The following ORC3 variants were observed in gnomAD, a reference collection of about 807,000 sequenced individuals.
The protein encoded by ORC3 is origin recognition complex subunit 3.
Under a neutral mutation model 100.7 loss-of-function variants are expected in ORC3, and 78 were observed. The ratio of observed to expected loss-of-function variants is 0.77; its 90% CI spans 0.65 to 0.94. The LOEUF (loss-of-function observed/expected upper bound fraction) is 0.94, where lower values mean the gene tolerates loss of function less well. Ranked by LOEUF, ORC3 falls within the 40% of genes least tolerant of loss-of-function variation. ORC3 has a pLI of 0.00. For missense variants in ORC3, 789 were observed against 823.9 expected, an observed-to-expected ratio of 0.96 and a Z score of 0.52; for synonymous variants, 295 against 289.3, an observed-to-expected ratio of 1.02 and a Z score of -0.20.
Position 87,590,168 on chromosome 6 carries a change from C to G in ORC3, c.-1C>G. 1 of 1,614,140 alleles carries G rather than the reference C, an allele frequency of 6.2e-7. No homozygotes were observed. On this transcript the variant is annotated 5_prime_UTR_variant, in exon 1 of 20. Transcript: ENST00000392844. ...CTGGAATACGCAGAGTCAGTAAGAC[C>G]ATGGCTACGTCCTCGATGTCTAAGG...
intron 14 of ORC3, among the ~76,000 whole-genome samples, chr6:87,656,581 C>A (rs1480636375): frequency 2.0e-5 from 3 of 151,360 alleles, no homozygotes; most frequent in Admixed American, 6.6e-5. Flanking sequence ...AGCAAGACTC[C>A]ATCTGAAAAA....
At chr6:87,603,189 A>C (rs1458598127) in intron 3 of ORC3, among the ~76,000 whole-genome samples, 195 bp from the exon 4 acceptor site, 1 of 151,620 alleles carries the variant, frequency 6.6e-6, no homozygotes, top group Non-Finnish European at 1.5e-5. Context: ...TATGCCGACC[A>C]GGCTTGAGAG....
chr6:87,626,723 G>T (rs1779923633), intron 11 of ORC3, among the ~76,000 whole-genome samples: 1 of 151,290 alleles, frequency 6.6e-6, no homozygotes, highest in South Asian at 2.1e-4. Context: ...GGAGGCAGAG[G>T]TTATAGTGAG....
intron 14 of ORC3, among the ~76,000 whole-genome samples, chr6:87,654,416 C>A (rs535894224): frequency 3.3e-5 from 5 of 152,318 alleles, no homozygotes; most frequent in African/African-American, 1.2e-4. Context: ...AGCATGAACT[C>A]AACCACTCTT....
At chr6:87,622,460 A>G (rs1276377186) in intron 11 of ORC3, among the ~76,000 whole-genome samples, 1 of 152,148 alleles carries the variant, frequency 6.6e-6, no homozygotes, top group Non-Finnish European at 1.5e-5. Flanking sequence ...TATATTGATA[A>G]TATAAAGCTA....
At position 87,605,349 on chromosome 6, in the gene ORC3, C is replaced by G. The variant is rs968154268; in HGVS notation, c.323-568C>G. Among the ~76,000 whole-genome samples, 11 of 152,242 alleles carry G rather than the reference C, an allele frequency of 7.2e-5. No individual in the cohort carries two copies. The East Asian group carries it at 1.2e-3, about 16-fold the overall frequency. ...ATTTGACAAAGCAATGAAATTACTT[C>G]TAAGATGTTTTCAAGGGTCGGCTGG... On this transcript the variant is annotated intron_variant, in intron 4 of 19. Transcript: ENST00000392844.
At chr6:87,674,154 T>C in the ORC3 span, among the ~76,000 whole-genome samples, 2 of 151,680 alleles carry the variant, frequency 1.3e-5, no homozygotes, top group African/African-American at 4.8e-5. Flanking sequence ...TACAAAAAAT[T>C]AGCCGGGTGT....
intron 11 of ORC3, among the ~76,000 whole-genome samples, chr6:87,633,764 G>A (rs937006997): frequency 6.6e-6 from 1 of 152,168 alleles, no homozygotes; most frequent in Admixed American, 6.6e-5. Context: ...CCATGGCACA[G>A]ATGATAATCC....
intron 12 of ORC3, among the ~76,000 whole-genome samples, chr6:87,636,121 A>G (rs546149838): frequency 6.6e-6 from 1 of 151,626 alleles, no homozygotes; most frequent in East Asian, 2.0e-4. Flanking sequence ...TTTATTAGAG[A>G]CGGGGTTTCA....
intron 1 of ORC3, among the ~76,000 whole-genome samples, chr6:87,593,404 G>A (rs542302049): frequency 1.1e-4 from 16 of 152,244 alleles, no homozygotes; most frequent in African/African-American, 2.4e-4. Flanking sequence ...AAACAACTAC[G>A]ATATACAATT....
chr6:87,629,763 A>G (rs956226092), intron 11 of ORC3, among the ~76,000 whole-genome samples: 1 of 152,000 alleles, frequency 6.6e-6, no homozygotes, highest in Non-Finnish European at 1.5e-5. Context: ...ATACATGTGT[A>G]CCTATTATTT....
intron 4 of ORC3, among the ~76,000 whole-genome samples, chr6:87,604,146 G>A (rs1228653451): frequency 6.6e-6 from 1 of 152,150 alleles, no homozygotes; most frequent in Non-Finnish European, 1.5e-5. Context: ...TGGAATATTA[G>A]CAAATTTTCT....
At chr6:87,657,702 A>C (rs2053375594) in intron 15 of ORC3, among the ~76,000 whole-genome samples, 1 of 152,202 alleles carries the variant, frequency 6.6e-6, no homozygotes, top group South Asian at 2.1e-4. Flanking sequence ...CTTTCCCTAA[A>C]AATTTGCTTG....
chr6:87,646,041 C>T, intron 13 of ORC3, among the ~76,000 whole-genome samples: 1 of 139,704 alleles, frequency 7.2e-6, no homozygotes, highest in East Asian at 2.1e-4. Flanking sequence ...GGCTGGAGTG[C>T]AGTGGCATGA....
intron 11 of ORC3, among the ~76,000 whole-genome samples, chr6:87,624,259 G>A (rs764398634): frequency 6.6e-6 from 1 of 152,060 alleles, no homozygotes; most frequent in African/African-American, 2.4e-5. Context: ...TGAGGTGGAC[G>A]GATCACTTGA....
intron 2 of ORC3, among the ~76,000 whole-genome samples, chr6:87,600,865 C>T (rs1777845556): frequency 6.6e-6 from 1 of 152,064 alleles, no homozygotes; most frequent in Non-Finnish European, 1.5e-5. Context: ...TTTTTTGTGA[C>T]TTTAGTTTTT....
intron 4 of ORC3, 52 bp downstream of exon 4, chr6:87,603,580 A>G (rs1433374056): frequency 7.8e-6 from 10 of 1,276,182 alleles, no homozygotes; most frequent in Non-Finnish European, 1.1e-5. Context: ...TTTCGTTTTT[A>G]AATTTTTTTT....
rs143108637 is a variant in ORC3 at position 87,636,478 on chromosome 6, G to T, written c.1374G>T (p.Gln458His). The T allele has an allele frequency of 1.9e-4, 307 of 1,608,322 alleles. No individual in the cohort carries two copies. In the African/African-American group the frequency reaches 3.8e-3, roughly 20 times the overall value. ...CAGAGGAGTATGCATCAGTCTTGCA[G>T]CTGCTGAGGTAGTTTTGTTTTTTCT... ...WDSEEYASVL[Q>H]LLRMLAKDEL... The change falls in exon 13 of 20, where the codon CAG becomes CAT. Residue 458 changes from glutamine to histidine, a missense_variant. Physicochemically the swap from Gln to His is conservative, Grantham distance 24 (BLOSUM62 0). Coordinates refer to ENST00000392844, the MANE Select transcript of ORC3 (RefSeq NM_012381.4).
At chr6:87,643,772 T>A (rs1449826608) in intron 13 of ORC3, among the ~76,000 whole-genome samples, 1 of 152,178 alleles carries the variant, frequency 6.6e-6, no homozygotes, top group Non-Finnish European at 1.5e-5. Context: ...TATACAGTCA[T>A]CCATCACTGT....
Sources: allele counts gnomAD v4.1 joint callset (sites outside exome capture counted in the v4.1 genomes callset), GRCh38; gene constraint gnomAD v4.1.1; transcripts MANE v1.5; gene names NCBI Gene and HGNC (gene_info 2026-07-23, HGNC 2026-07-21).